Variants in RARB observed in about 807,000 individuals in gnomAD.
The protein encoded by RARB is HBV-activated protein.
RARB carries 17 observed loss-of-function variants against 51.9 expected under a neutral mutation model. That is an observed-to-expected ratio of 0.33 (90% CI 0.22 to 0.49). RARB has a LOEUF of 0.49. Ranked by LOEUF, RARB falls within the 20% of genes least tolerant of loss-of-function variation. RARB has a pLI of 0.99. For missense variants in RARB, 369 were observed against 550.8 expected, an observed-to-expected ratio of 0.67 and a Z score of 3.30; for synonymous variants, 215 against 195.4, an observed-to-expected ratio of 1.10 and a Z score of -0.84.
intron 2 of RARB, among the ~76,000 whole-genome samples, chr3:25,032,881 T>C (rs981422151): frequency 1.3e-5 from 2 of 152,192 alleles, no homozygotes; most frequent in African/African-American, 4.8e-5. Context: ...TATAAAAAAA[T>C]AGTTCAATTG....
intron 3 of RARB, among the ~76,000 whole-genome samples, chr3:25,066,673 A>C (rs541597305): frequency 6.6e-6 from 1 of 152,268 alleles, no homozygotes; most frequent in South Asian, 2.1e-4. Flanking sequence ...TTTTCCAAAG[A>C]ACTTTACATT....
chr3:24,910,742 C>A (rs1694974383), intron 2 of RARB, among the ~76,000 whole-genome samples: 1 of 152,082 alleles, frequency 6.6e-6, no homozygotes, highest in African/African-American at 2.4e-5. Flanking sequence ...TCATTATAGT[C>A]AACCCGATGC....
At chr3:24,941,232 G>C (rs1414398029) in intron 2 of RARB, among the ~76,000 whole-genome samples, 8 of 152,068 alleles carry the variant, frequency 5.3e-5, no homozygotes, top group Non-Finnish European at 8.8e-5. Flanking sequence ...TAGGGAAATG[G>C]GGCCTTCCTT....
chr3:25,059,048 A>G (rs62228519), intron 2 of RARB, among the ~76,000 whole-genome samples: 12,312 of 151,628 alleles, frequency 0.081, 518 homozygotes, highest in Middle Eastern at 0.1. Flanking sequence ...ATGCATAAAT[A>G]TTTATACATG....
exon 5 of RARB, chr3:25,174,531 A>G: frequency 7.4e-7 from 1 of 1,352,058 alleles, no homozygotes; most frequent in Non-Finnish European, 9.8e-7. Context: ...CATGGCCTTC[A>G]TGGACATCCG....
chr3:25,018,333 T>G (rs1697558862), intron 2 of RARB, among the ~76,000 whole-genome samples: 3 of 152,196 alleles, frequency 2.0e-5, no homozygotes, highest in African/African-American at 7.2e-5. Context: ...AGCAGTATAA[T>G]CATTCTTCCC....
chr3:25,506,926 C>A (rs1413736418), intron 3 of RARB, among the ~76,000 whole-genome samples: 1 of 152,222 alleles, frequency 6.6e-6, no homozygotes. Flanking sequence ...CCGTATGTCT[C>A]CATTTTTCTG....
chr3:25,040,884 T>C (rs1433313824), intron 2 of RARB, among the ~76,000 whole-genome samples: 1 of 152,226 alleles, frequency 6.6e-6, no homozygotes, highest in East Asian at 1.9e-4. Context: ...CTAAGGTCTG[T>C]CTCGAGTCCT....
intron 3 of RARB, among the ~76,000 whole-genome samples, chr3:25,557,471 A>T (rs948219449): frequency 1.1e-4 from 16 of 152,168 alleles, no homozygotes; most frequent in African/African-American, 2.9e-4. Context: ...TACATAAAGC[A>T]CACACTGGAT....
At chr3:25,124,399 C>T (rs188328938) in intron 3 of RARB, among the ~76,000 whole-genome samples, 55 of 152,196 alleles carry the variant, frequency 3.6e-4, no homozygotes, top group African/African-American at 1.3e-3. Context: ...GGATACAGCC[C>T]TTTCTTTATT....
At chr3:24,988,562 G>A (rs549955294) in intron 2 of RARB, among the ~76,000 whole-genome samples, 79 of 152,094 alleles carry the variant, frequency 5.2e-4, no homozygotes, top group African/African-American at 1.8e-3. Flanking sequence ...CTTCTGGTTC[G>A]TGTGTTTTAT....
intron 2 of RARB, among the ~76,000 whole-genome samples, chr3:24,902,764 G>T (rs1703635817): frequency 6.6e-6 from 1 of 152,094 alleles, no homozygotes; most frequent in African/African-American, 2.4e-5. Flanking sequence ...ACCTTTCTTG[G>T]TAAAAATGAG....
upstream of RARB, among the ~76,000 whole-genome samples, chr3:25,427,181 CTGGGT>C (rs1264854460): frequency 2.0e-5 from 3 of 152,152 alleles, no homozygotes. Context: ...TCCTAGGGAG[CTGGGT>C]TCTAGTCACA....
At chr3:24,929,218 T>C (rs537951817) in intron 2 of RARB, among the ~76,000 whole-genome samples, 18 of 152,166 alleles carry the variant, frequency 1.2e-4, no homozygotes, top group South Asian at 2.1e-4. Flanking sequence ...GAACAACAGG[T>C]TACTAATGGA....
At chr3:25,445,283 C>T (rs1396178597) in intron 1 of RARB, among the ~76,000 whole-genome samples, 1 of 152,086 alleles carries the variant, frequency 6.6e-6, no homozygotes, top group Non-Finnish European at 1.5e-5. Context: ...GTTAACATGG[C>T]CTAATTAAAA....
At chr3:25,100,020 A>G (rs1414091578) in intron 3 of RARB, among the ~76,000 whole-genome samples, 2 of 152,150 alleles carry the variant, frequency 1.3e-5, no homozygotes, top group African/African-American at 4.8e-5. Context: ...CAAAAGCAAT[A>G]TCTGCTTTGC....
At chr3:25,318,373 A>C (rs928595839) in intron 5 of RARB, among the ~76,000 whole-genome samples, 1 of 152,210 alleles carries the variant, frequency 6.6e-6, no homozygotes, top group Non-Finnish European at 1.5e-5. Context: ...TATAGTGGCT[A>C]ATGTGTCTAA....
At chr3:24,875,077 G>T (rs1410195590) in intron 2 of RARB, among the ~76,000 whole-genome samples, 1 of 151,966 alleles carries the variant, frequency 6.6e-6, no homozygotes, top group Non-Finnish European at 1.5e-5. Flanking sequence ...TGTTAAACAA[G>T]ATTTTGGTTC....
rs115320895 is a variant in RARB, at chr3:24,897,810, C to T, written c.-380+39058C>T. On this transcript the variant is annotated intron_variant, in intron 2 of 11. Coordinates refer to the RARB transcript ENST00000383772. ...TTTGGGTAAATAGGTTTAAATAAAA[C>T]TTTAAAAGAAACTGCCGGACATCTA... 7.3e-3 allele frequency among the ~76,000 whole-genome samples: 1,091 copies of T among 148,570 alleles called. 14 individuals carry two copies. Among genetic ancestry groups the T allele is most frequent in the African/African-American group, 0.026 (1,040 of 40,260 alleles).
Sources: allele counts gnomAD v4.1 joint callset (sites outside exome capture counted in the v4.1 genomes callset), GRCh38; gene constraint gnomAD v4.1.1; transcripts MANE v1.5; gene names NCBI Gene and HGNC (gene_info 2026-07-23, HGNC 2026-07-21).